The following SCAI variants were observed in gnomAD, a reference collection of about 807,000 sequenced individuals.
SCAI encodes the protein suppressor of cancer cell invasion, also known as protein SCAI.
SCAI carries 24 observed loss-of-function variants against 92.2 expected under a neutral mutation model. The ratio of observed to expected loss-of-function variants is 0.26; its 90% confidence interval spans 0.19 to 0.37. The LOEUF is 0.37. Among genes scored for constraint, SCAI ranks in the 10% least tolerant of loss-of-function variants. SCAI has a pLI of 1.00. For missense variants in SCAI, 450 were observed against 736.2 expected (o/e 0.61, Z 4.50); for synonymous variants, 261 against 258.6 (o/e 1.01, Z -0.09).
chr9:124,953,621 C>T (rs1402067164), intron 17 of SCAI, among the ~76,000 whole-genome samples: 1 of 152,056 alleles, frequency 6.6e-6, no homozygotes, highest in Non-Finnish European at 1.5e-5. Context: ...CCATGTTGGC[C>T]AGCCTGGTCT....
chr9:125,006,206 A>T (rs1361315687), intron 9 of SCAI, among the ~76,000 whole-genome samples: 1 of 152,194 alleles, frequency 6.6e-6, no homozygotes, highest in Non-Finnish European at 1.5e-5. Flanking sequence ...AAACAGGATG[A>T]TACAAACATC....
chr9:125,022,101 A>T (rs1832880660), intron 6 of SCAI, among the ~76,000 whole-genome samples: 1 of 152,044 alleles, frequency 6.6e-6, no homozygotes, highest in South Asian at 2.1e-4. Context: ...AAATCTTATA[A>T]TTTCTTGTCT....
chr9:124,951,959 C>CA lies in SCAI; in HGVS notation c.*847dup, dbSNP rs1770530496. On this transcript the variant is annotated 3_prime_UTR_variant, in exon 18 of 18. Transcript: ENST00000336505. Reference sequence around the variant, plus strand: ...TGAAGTCTCATAAATTTGAATGAGGCAAAAAATTAAAACTTTATGTCACAG... The same window carrying CA: ...TGAAGTCTCATAAATTTGAATGAGGCAAAAAAATTAAAACTTTATGTCACAG... 6.6e-6 allele frequency: 1 copy of CA among 152,112 alleles called. No individual in the cohort carries two copies. The highest frequency in any genetic ancestry group is 6.5e-5 in the Admixed American group (1 of 15,282). 9.4% of individuals were successfully genotyped at this position (152,112 alleles called of 1,614,324 possible).
chr9:125,133,883 C>T (rs182010161), intron 2 of SCAI, among the ~76,000 whole-genome samples: 78 of 152,274 alleles, frequency 5.1e-4, no homozygotes, highest in African/African-American at 1.8e-3. Flanking sequence ...AGGATGCTGT[C>T]CCATGCATTT....
intron 2 of SCAI, among the ~76,000 whole-genome samples, chr9:125,057,668 G>C (rs1319975394): frequency 6.6e-6 from 1 of 152,194 alleles, no homozygotes; most frequent in African/African-American, 2.4e-5. Context: ...GTTGAAGGCC[G>C]AGTGTGGAGG....
At chr9:125,031,423 G>A (rs551179214) in intron 3 of SCAI, among the ~76,000 whole-genome samples, 4 of 152,108 alleles carry the variant, frequency 2.6e-5, no homozygotes, top group South Asian at 4.2e-4. Flanking sequence ...CACCACGCCC[G>A]GCTAATTTTT....
intron 17 of SCAI, among the ~76,000 whole-genome samples, chr9:124,955,828 A>G (rs1831307958): frequency 1.3e-5 from 2 of 152,206 alleles, no homozygotes; most frequent in South Asian, 4.1e-4. Context: ...ATGCCAACAA[A>G]TTAGATAAAT....
chr9:125,026,963 T>C lies in SCAI; in HGVS notation c.414-53A>G, dbSNP rs959902437. 7.6e-6 allele frequency: 8 copies of C among 1,058,622 alleles called. No individual in the cohort carries two copies. The East Asian group carries it at 9.7e-5, about 13-fold the overall frequency. The allele number at this position is 1,058,622 out of a possible 1,614,324, so 65.6% of individuals were successfully genotyped here. Reference sequence around the variant, plus strand: ...TGACAGTGTCAGAGACTCTTCACCATGGTAAATACTTGTTCTATATACCGC... The same window carrying C: ...TGACAGTGTCAGAGACTCTTCACCACGGTAAATACTTGTTCTATATACCGC... On this transcript the variant is annotated intron_variant, in intron 5 of 17. Transcript: ENST00000336505.
At chr9:125,027,377 G>T (rs933585169) in intron 5 of SCAI, among the ~76,000 whole-genome samples, 1 of 152,140 alleles carries the variant, frequency 6.6e-6, no homozygotes. Flanking sequence ...TTCTACCTGA[G>T]AAAACACTTC....
intron 4 of SCAI, among the ~76,000 whole-genome samples, chr9:125,029,204 C>A (rs573254997): frequency 2.8e-4 from 42 of 152,234 alleles, no homozygotes; most frequent in African/African-American, 9.6e-4. Flanking sequence ...ACTGCAACCT[C>A]CCCCACTTCA....
intron 3 of SCAI, among the ~76,000 whole-genome samples, chr9:125,039,608 C>T (rs1833278999): frequency 6.6e-6 from 1 of 152,054 alleles, no homozygotes; most frequent in Admixed American, 6.6e-5. Context: ...GATGTGAGTT[C>T]AGTTGGACAG....
At position 125,073,092 on chromosome 9, in the gene SCAI, A is replaced by ATTTTTTTTTTTTTTTT. The variant is rs764858681; in HGVS notation, c.99-17101_99-17086dup. The stretch of plus-strand genomic sequence containing the variant: ...GGATCATATGAGGATTCTATTTTTA[A>ATTTTTTTTTTTTTTTT]TTTTTTTTTTTTTTTTTTTTTTTTT... On this transcript the variant is annotated intron_variant, in intron 2 of 17. Transcript: ENST00000336505. Among the ~76,000 whole-genome samples, 27 of 72,478 alleles carry ATTTTTTTTTTTTTTTT rather than the reference A, an allele frequency of 3.7e-4. 1 individual carries two copies. Among genetic ancestry groups the ATTTTTTTTTTTTTTTT allele is most frequent in the Non-Finnish European group, 4.6e-4 (17 of 37,334 alleles). 47.5% of individuals were successfully genotyped at this position (72,478 alleles called of 152,430 possible). A position where few individuals can be genotyped will look rare whatever the true frequency, so the allele number is the denominator to read the frequency against.
intron 17 of SCAI, among the ~76,000 whole-genome samples, chr9:124,962,646 T>G (rs10819017): frequency 2.6e-5 from 4 of 151,864 alleles, no homozygotes; most frequent in Admixed American, 1.3e-4. Context: ...TAAAATGGCA[T>G]GCAACCACAA....
intron 17 of SCAI, among the ~76,000 whole-genome samples, chr9:124,971,045 C>A (rs890285596): frequency 5.9e-5 from 9 of 152,000 alleles, no homozygotes; most frequent in Admixed American, 1.3e-4. Context: ...CAACTCATGA[C>A]CTCAAGTGTT....
chr9:125,046,124 C>A (rs1388634105), intron 3 of SCAI, among the ~76,000 whole-genome samples: 3 of 139,520 alleles, frequency 2.2e-5, no homozygotes, highest in African/African-American at 8.0e-5. Flanking sequence ...TATAATGGCA[C>A]AATTTGCAAT....
chr9:124,998,386 G>A (rs1379768349), intron 13 of SCAI, among the ~76,000 whole-genome samples: 1 of 152,110 alleles, frequency 6.6e-6, no homozygotes, highest in East Asian at 1.9e-4. Context: ...CTGGGAGATG[G>A]AGGTTGCAGT....
chr9:125,060,998 C>A (rs1183404988), intron 2 of SCAI, among the ~76,000 whole-genome samples: 2 of 152,158 alleles, frequency 1.3e-5, no homozygotes, highest in Non-Finnish European at 2.9e-5. Context: ...TCATGTCATA[C>A]CAGATTATAA....
chr9:125,061,314 TAA>T (rs1833765241), intron 2 of SCAI, among the ~76,000 whole-genome samples: 1 of 152,112 alleles, frequency 6.6e-6, no homozygotes, highest in Non-Finnish European at 1.5e-5. Context: ...AAAAAGTCCT[TAA>T]GGGCTAAACC....
chr9:124,986,975 G>C (rs1334110906), intron 14 of SCAI, among the ~76,000 whole-genome samples: 1 of 152,170 alleles, frequency 6.6e-6, no homozygotes, highest in African/African-American at 2.4e-5. Flanking sequence ...ATACTTAAAT[G>C]TGCAAAAGGA....
Sources: allele counts gnomAD v4.1 joint callset (sites outside exome capture counted in the v4.1 genomes callset), GRCh38; gene constraint gnomAD v4.1.1; transcripts MANE v1.5; gene names NCBI Gene and HGNC (gene_info 2026-07-23, HGNC 2026-07-21).